ADAT1: variants seen among roughly 807,000 people sequenced by gnomAD.
ADAT1 encodes adenosine deaminase tRNA specific 1, also known as tRNA-specific adenosine deaminase 1.
ADAT1 carries 58 observed loss-of-function variants against 58.6 expected under a neutral mutation model. The ratio of observed to expected loss-of-function variants is 0.99; its 90% CI spans 0.80 to 1.23. ADAT1 has a LOEUF of 1.23. ADAT1 is among the 50% of genes most tolerant of loss of function. The pLI is 0.00. For synonymous variants in ADAT1, 254 were observed against 220.8 expected, an observed-to-expected ratio of 1.15 and a Z score of -1.33; for missense variants, 741 against 608.6, an observed-to-expected ratio of 1.22 and a Z score of -2.29.
chr16:75,611,128 C>G (rs767092307), intron 6 of ADAT1, among the ~76,000 whole-genome samples: 1 of 152,106 alleles, frequency 6.6e-6, no homozygotes, highest in Non-Finnish European at 1.5e-5. Context: ...CAAAAACATT[C>G]TGAAAGCCCC....
Position 75,617,184 on chromosome 16 carries a change from T to G in ADAT1, c.382A>C (p.Arg128=). The G allele has an allele frequency of 6.2e-7, 1 of 1,613,990 alleles. No homozygotes were observed. The highest frequency in any genetic ancestry group is 2.2e-5 in the East Asian group (1 of 44,888). ...PGTQKGVWKL[R]RDLIFVFFSS... ...AAAAACACAAAAATGAGGTCTCGTC[T>G]AAGTTTCCACACTCCTTTTTGAGTT... Residue 128 remains arginine, a synonymous_variant, in exon 5 of 10, where the codon AGA becomes CGA. Coordinates refer to ENST00000564657, the MANE Select transcript of ADAT1 (RefSeq NM_001324445.2).
rs771865910 is a variant in ADAT1 at position 75,620,646 on chromosome 16, C to A, written c.154G>T (p.Asp52Tyr). The A allele has an allele frequency of 6.2e-7, 1 of 1,613,306 alleles. No individual in the cohort carries two copies. Among genetic ancestry groups the A allele is most frequent in the Non-Finnish European group, 8.5e-7 (1 of 1,179,998 alleles). Residue 52 changes from aspartate to tyrosine, a missense_variant, in exon 2 of 10, where the codon GAT becomes TAT. Transcript: ENST00000564657. The stretch of plus-strand genomic sequence containing the variant: ...AAAGTCTCACCTTGCACCGGCTTAT[C>A]AGGGGTGTCGCAGGCCTTGTCAGCT... ...SPADKACDTP[D>Y]KPVQVTKEVV...
chr16:75,607,136 G>A (rs1309297613), intron 8 of ADAT1, among the ~76,000 whole-genome samples: 1 of 152,072 alleles, frequency 6.6e-6, no homozygotes, highest in African/African-American at 2.4e-5. Flanking sequence ...AGGCTGTAGA[G>A]AGATAAATGG....
chr16:75,597,250 C>T lies in ADAT1; in HGVS notation c.*2966G>A, dbSNP rs571899247. 6.0e-6 allele frequency: 2 copies of T among 334,790 alleles called. No homozygotes were observed. The highest frequency in any genetic ancestry group is 4.3e-5 in the African/African-American group (2 of 46,234). 20.7% of individuals were successfully genotyped at this position (334,790 alleles called of 1,614,324 possible). A position where few individuals can be genotyped will look rare whatever the true frequency, so the allele number is the denominator to read the frequency against. ...AGGCCCTAAATCCAATTACTGGGGTCCTTATAAGTAGGCCATGGAAAGACA... is the reference window on the plus strand; with the variant it reads ...AGGCCCTAAATCCAATTACTGGGGTTCTTATAAGTAGGCCATGGAAAGACA... On this transcript the variant is annotated 3_prime_UTR_variant, in exon 10 of 10. Coordinates refer to ENST00000564657, the MANE Select transcript of ADAT1 (RefSeq NM_001324445.2).
chr16:75,605,892 G>C lies in ADAT1; in HGVS notation c.1289+2332C>G, dbSNP rs147620262. Among the ~76,000 whole-genome samples, 1,035 of 144,382 alleles carry C rather than the reference G, an allele frequency of 7.2e-3. 13 individuals carry two copies. Among genetic ancestry groups the C allele is most frequent in the African/African-American group, 0.026 (993 of 38,512 alleles). The allele number at this position is 144,382 out of a possible 152,430, so 94.7% of individuals were successfully genotyped here. A position where few individuals can be genotyped will look rare whatever the true frequency, so the allele number is the denominator to read the frequency against. On this transcript the variant is annotated intron_variant, in intron 8 of 9. Coordinates refer to ENST00000564657, the MANE Select transcript of ADAT1 (RefSeq NM_001324445.2). ...GCAGAGGTTGCAGTGAGCCAAGATC[G>C]TGCTACTGTACTCCAGCCTGGGCGG...
intron 6 of ADAT1, 46 bp downstream of exon 6, chr16:75,612,197 G>A (rs1191974761): frequency 1.9e-6 from 3 of 1,585,628 alleles, no homozygotes; most frequent in Admixed American, 3.4e-5. Context: ...CCCTCAGACT[G>A]CCTCTTGGAA....
At chr16:75,611,570 C>T (rs1028020005) in intron 6 of ADAT1, among the ~76,000 whole-genome samples, 6 of 151,838 alleles carry the variant, frequency 4.0e-5, no homozygotes, top group East Asian at 3.9e-4. Context: ...TTTGTAAAGA[C>T]GGGGTTTCCT....
chr16:75,611,445 G>C (rs1415210335), intron 6 of ADAT1, among the ~76,000 whole-genome samples: 1 of 152,012 alleles, frequency 6.6e-6, no homozygotes, highest in Non-Finnish European at 1.5e-5. Context: ...GAGTGCAGTG[G>C]AATGACCTTG....
At chr16:75,619,914 A>AT (rs1046281208) in intron 3 of ADAT1, among the ~76,000 whole-genome samples, 2 of 151,428 alleles carry the variant, frequency 1.3e-5, no homozygotes, top group African/African-American at 4.8e-5. Context: ...AAAAAAAAAA[A>AT]GATTGCTTTC....
At chr16:75,604,023 C>T (rs967936364) in intron 8 of ADAT1, among the ~76,000 whole-genome samples, 2 of 152,276 alleles carry the variant, frequency 1.3e-5, no homozygotes, top group Admixed American at 1.3e-4. Flanking sequence ...ACACTGCTCT[C>T]CCAGGGCCTT....
chr16:75,601,465 A>T (rs780475050), intron 9 of ADAT1, among the ~76,000 whole-genome samples: 3 of 151,926 alleles, frequency 2.0e-5, no homozygotes, highest in Admixed American at 6.6e-5. Flanking sequence ...CAAACAAACA[A>T]ACATACATAC....
chr16:75,599,165 T>A lies in ADAT1; in HGVS notation c.*1051A>T. On this transcript the variant is annotated 3_prime_UTR_variant, in exon 10 of 10. Transcript: ENST00000564657. ...GGTACGATCTTTGCTCACCACTACC[T>A]CCGCCTCCTGGGTTCAAGCAATTCT... 1.1e-6 allele frequency: 1 copy of A among 945,802 alleles called. No homozygotes were observed. Among genetic ancestry groups the A allele is most frequent in the Non-Finnish European group, 1.2e-6 (1 of 805,288 alleles). The allele number at this position is 945,802 out of a possible 1,614,324, so 58.6% of individuals were successfully genotyped here.
At chr16:75,601,647 A>T (rs1056326957) in intron 9 of ADAT1, among the ~76,000 whole-genome samples, 2 of 152,010 alleles carry the variant, frequency 1.3e-5, no homozygotes, top group Non-Finnish European at 2.9e-5. Context: ...AATCCTAGCT[A>T]CTCTGGAGAC....
At position 75,600,056 on chromosome 16, in the gene ADAT1, C is replaced by T. The variant is rs2081183050; in HGVS notation, c.*160G>A. On this transcript the variant is annotated 3_prime_UTR_variant, in exon 10 of 10. Transcript: ENST00000564657. ...AGAGAGCTACTTCAATCAAGTATAG[C>T]TTGCTCTAAGTTCCAGATTCCATCT... The T allele has an allele frequency of 1.3e-6, 2 of 1,482,036 alleles. No individual in the cohort carries two copies. The highest frequency in any genetic ancestry group is 2.3e-5 in the East Asian group (1 of 42,872). The allele number at this position is 1,482,036 out of a possible 1,614,324, so 91.8% of individuals were successfully genotyped here. A position where few individuals can be genotyped will look rare whatever the true frequency, so the allele number is the denominator to read the frequency against.
At chr16:75,613,396 G>T (rs775315710) in intron 5 of ADAT1, among the ~76,000 whole-genome samples, 35 of 152,086 alleles carry the variant, frequency 2.3e-4, no homozygotes, top group Non-Finnish European at 4.4e-4. Context: ...CTACCTCCTG[G>T]GTTCAAGTCA....
chr16:75,604,480 C>T lies in ADAT1; in HGVS notation c.1290-1309G>A, dbSNP rs867241068. ...AAATATATATATATATATATACACA[C>T]ACACACACACACACACACACACACA... On this transcript the variant is annotated intron_variant, in intron 8 of 9. Coordinates refer to ENST00000564657, the MANE Select transcript of ADAT1 (RefSeq NM_001324445.2). Among the ~76,000 whole-genome samples the T allele has an allele frequency of 0.021, 1,521 of 73,602 alleles. 62 individuals are homozygous for T. The East Asian group carries it at 0.25, about 12-fold the overall frequency. 48.3% of individuals were successfully genotyped at this position (73,602 alleles called of 152,430 possible).
chr16:75,604,504 C>T (rs2081319132), intron 8 of ADAT1, among the ~76,000 whole-genome samples: 1 of 134,280 alleles, frequency 7.4e-6, no homozygotes, highest in Non-Finnish European at 1.5e-5. Context: ...CACACACACA[C>T]ACACACACAC....
At chr16:75,611,067 T>C (rs372678585) in intron 6 of ADAT1, among the ~76,000 whole-genome samples, 12 of 152,228 alleles carry the variant, frequency 7.9e-5, no homozygotes, top group African/African-American at 2.4e-4. Flanking sequence ...TAAACTATGA[T>C]TGTACCACTG....
At chr16:75,608,434 G>T in intron 7 of ADAT1, 111 bp from the exon 8 acceptor site, 1 of 897,660 alleles carries the variant, frequency 1.1e-6, no homozygotes. Flanking sequence ...AGCTGGATAT[G>T]ATGTCACAGA....
Sources: gnomAD v4.1 joint callset for allele counts (sites outside exome capture counted in the v4.1 genomes callset) on GRCh38, gnomAD v4.1.1 for gene constraint, MANE v1.5 for transcripts, NCBI Gene and HGNC (gene_info 2026-07-23, HGNC 2026-07-21) for gene names.